The following ARID1B variants were observed in gnomAD, a reference collection of about 807,000 sequenced individuals.
ARID1B encodes AT-rich interactive domain-containing protein 1B.
Under a neutral mutation model 212.3 loss-of-function variants are expected in ARID1B, and 30 were observed. The observed-to-expected ratio is 0.14, with a 90% CI of 0.11 to 0.19. The LOEUF (loss-of-function observed/expected upper bound fraction) is 0.19, where lower values mean the gene tolerates loss of function less well. Ranked by LOEUF, ARID1B falls within the 10% of genes least tolerant of loss-of-function variation. The pLI is 1.00. For missense variants in ARID1B, 2,891 were observed against 3,204.0 expected, an observed-to-expected ratio of 0.90 and a Z score of 2.36; for synonymous variants, 1,402 against 1,301.7, an observed-to-expected ratio of 1.08 and a Z score of -1.66.
chr6:157,099,120 C>T (rs1341159085), intron 5 of ARID1B, among the ~76,000 whole-genome samples: 4 of 152,062 alleles, frequency 2.6e-5, no homozygotes, highest in African/African-American at 7.2e-5. Context: ...CCCACCACCA[C>T]GCATTTTTGT....
intron 2 of ARID1B, among the ~76,000 whole-genome samples, chr6:156,896,748 A>C (rs1033152237): frequency 6.6e-6 from 1 of 151,658 alleles, no homozygotes; most frequent in Non-Finnish European, 1.5e-5. Flanking sequence ...GCGTGGTGGC[A>C]TGCACCTATA....
At chr6:157,163,180 G>T (rs1373845573) in intron 8 of ARID1B, among the ~76,000 whole-genome samples, 1 of 152,176 alleles carries the variant, frequency 6.6e-6, no homozygotes, top group Admixed American at 6.5e-5. Context: ...AAGGGGCTCA[G>T]CAGCCAGGGA....
intron 2 of ARID1B, among the ~76,000 whole-genome samples, chr6:156,852,616 C>T (rs192667717): frequency 1.3e-5 from 2 of 152,144 alleles, no homozygotes; most frequent in African/African-American, 2.4e-5. Context: ...CAAAACTAAC[C>T]ACAAGGAAGC....
At chr6:156,960,846 A>G (rs4870500) in intron 4 of ARID1B, among the ~76,000 whole-genome samples, 29,329 of 152,112 alleles carry the variant, frequency 0.19, 3,103 homozygotes, top group East Asian at 0.39. Flanking sequence ...GATTTTGTTG[A>G]GTAAAGAAGC....
intron 4 of ARID1B, among the ~76,000 whole-genome samples, chr6:156,949,047 C>T (rs979746735): frequency 6.6e-6 from 1 of 152,208 alleles, no homozygotes; most frequent in Non-Finnish European, 1.5e-5. Flanking sequence ...CATTGAGTCA[C>T]GTCTTATCAG....
chr6:156,777,766 C>A lies in ARID1B; in HGVS notation c.86C>A (p.Pro29His). ...RAGSGERRAP[P>H]GPRPAPGARD... ...GGCAGCGGCGAACGGCGGGCGCCCC[C>A]CGGGCCGCGGCCGGCGCCCGGAGCC... The change falls in exon 1 of 20, where the codon CCC becomes CAC. Residue 29 changes from proline (P) to histidine (H), a missense_variant. Coordinates refer to ENST00000636930, the MANE Select transcript of ARID1B (RefSeq NM_001374828.1). The A allele has an allele frequency of 1.3e-6, 1 of 745,590 alleles. No individual in the cohort carries two copies. The highest frequency in any genetic ancestry group is 1.6e-6 in the Non-Finnish European group (1 of 615,236). The allele number at this position is 745,590 out of a possible 1,614,324, so 46.2% of individuals were successfully genotyped here.
intron 5 of ARID1B, among the ~76,000 whole-genome samples, chr6:157,102,782 A>G (rs1786159792): frequency 6.6e-6 from 1 of 151,848 alleles, no homozygotes; most frequent in Non-Finnish European, 1.5e-5. Context: ...TACTTTTAGT[A>G]GAGACGGGGT....
chr6:156,811,501 C>G (rs4870492), intron 1 of ARID1B, among the ~76,000 whole-genome samples: 1 of 152,098 alleles, frequency 6.6e-6, no homozygotes, highest in Non-Finnish European at 1.5e-5. Flanking sequence ...GCTGGCAGTC[C>G]GAGATCAAGG....
intron 4 of ARID1B, among the ~76,000 whole-genome samples, chr6:157,035,785 C>CT (rs1450744449): frequency 6.6e-6 from 1 of 152,222 alleles, no homozygotes; most frequent in African/African-American, 2.4e-5. Context: ...GTGAGCCTGG[C>CT]TTTCAGTGAA....
chr6:157,001,656 T>G (rs1778920896), intron 4 of ARID1B, among the ~76,000 whole-genome samples: 1 of 152,172 alleles, frequency 6.6e-6, no homozygotes, highest in African/African-American at 2.4e-5. Context: ...GGGTTTTTAT[T>G]TATATTGACA....
chr6:157,074,104 A>G (rs1784160267), intron 4 of ARID1B, among the ~76,000 whole-genome samples: 1 of 152,262 alleles, frequency 6.6e-6, no homozygotes, highest in African/African-American at 2.4e-5. Context: ...AATATCAAAA[A>G]GAAAACTTGA....
chr6:156,943,516 T>C (rs1303707268), intron 4 of ARID1B: 1 of 151,984 alleles, frequency 6.6e-6, no homozygotes, highest in East Asian at 1.9e-4. Context: ...TACGATTGTC[T>C]CTTTCCACAG....
intron 4 of ARID1B, chr6:156,940,979 T>C (rs1792630647): frequency 6.6e-6 from 1 of 152,130 alleles, no homozygotes; most frequent in Non-Finnish European, 1.5e-5. Flanking sequence ...ACCTTTTTAT[T>C]TGAGGTTGAT....
chr6:156,798,584 C>G (rs1780561082), intron 1 of ARID1B, among the ~76,000 whole-genome samples: 1 of 152,268 alleles, frequency 6.6e-6, no homozygotes, highest in Non-Finnish European at 1.5e-5. Flanking sequence ...CCTTTGTAGA[C>G]TGAGGGGAAG....
intron 5 of ARID1B, among the ~76,000 whole-genome samples, chr6:157,095,424 A>T (rs373926510): frequency 3.3e-5 from 5 of 152,314 alleles, no homozygotes; most frequent in African/African-American, 1.2e-4. Flanking sequence ...TTCTGAGGAA[A>T]CCCTGGGGTA....
chr6:156,967,465 A>T (rs1442334463), intron 4 of ARID1B, among the ~76,000 whole-genome samples: 1 of 152,166 alleles, frequency 6.6e-6, no homozygotes, highest in Non-Finnish European at 1.5e-5. Flanking sequence ...TTTCCTCCTG[A>T]TGCTTTTGTC....
intron 4 of ARID1B, among the ~76,000 whole-genome samples, chr6:157,052,273 G>T (rs1448637606): frequency 1.3e-5 from 2 of 152,196 alleles, no homozygotes; most frequent in African/African-American, 4.8e-5. Flanking sequence ...CAGCCTGTGT[G>T]ACTTATCTCA....
chr6:157,133,053 C>T lies in ARID1B; in HGVS notation c.2607C>T (p.Asn869=). The change falls in exon 7 of 20, where the codon AAC becomes AAT. Residue 869 remains asparagine, a synonymous_variant. Transcript: ENST00000636930. ...ERGFMAGTQR[N]PQMAQYGPQQ... The stretch of plus-strand genomic sequence containing the variant: ...GTTTTATGGCAGGCACACAAAGAAA[C>T]CCTCAGATGGCTCAGTATGGACCTC... 3.7e-6 allele frequency: 6 copies of T among 1,603,854 alleles called. No individual in the cohort carries two copies. The highest frequency in any genetic ancestry group is 2.2e-5 in the East Asian group (1 of 44,790).
At chr6:156,921,944 C>A (rs537720740) in intron 3 of ARID1B, among the ~76,000 whole-genome samples, 1 of 152,070 alleles carries the variant, frequency 6.6e-6, no homozygotes, top group African/African-American at 2.4e-5. Flanking sequence ...GAGATTAACC[C>A]CCTCAGCAGT....
Sources: allele counts gnomAD v4.1 joint callset (sites outside exome capture counted in the v4.1 genomes callset), GRCh38; gene constraint gnomAD v4.1.1; transcripts MANE v1.5; gene names NCBI Gene and HGNC (gene_info 2026-07-23, HGNC 2026-07-21).